Variants in KCNT2 observed in about 807,000 individuals in gnomAD.
KCNT2 encodes potassium channel subfamily T member 2.
A neutral mutation model predicts 153.8 loss-of-function variants in KCNT2; 67 were observed. That is an observed-to-expected ratio of 0.44 (90% CI 0.36 to 0.53). KCNT2 has a LOEUF of 0.53. Ranked by LOEUF, KCNT2 falls within the 20% of genes least tolerant of loss-of-function variation. The probability of loss-of-function intolerance (pLI) is 0.00; values close to 1 mark genes in which losing one functional copy is unlikely to be tolerated. For synonymous variants in KCNT2, 500 were observed against 458.8 expected, an observed-to-expected ratio of 1.09 and a Z score of -1.15; for missense variants, 975 against 1,354.8, an observed-to-expected ratio of 0.72 and a Z score of 4.40.
intron 7 of KCNT2, among the ~76,000 whole-genome samples, chr1:196,465,679 C>A (rs1677551756): frequency 6.6e-6 from 1 of 151,786 alleles, no homozygotes. Flanking sequence ...ACTTACTCCC[C>A]CAAACCCCTA....
At chr1:196,356,865 A>G (rs1667215468) in intron 14 of KCNT2, among the ~76,000 whole-genome samples, 3 of 151,874 alleles carry the variant, frequency 2.0e-5, no homozygotes, top group African/African-American at 7.2e-5. Context: ...ATTCGAAGAA[A>G]ACAATTCAAA....
intron 8 of KCNT2, among the ~76,000 whole-genome samples, chr1:196,449,873 A>G (rs1366250682): frequency 6.6e-6 from 1 of 151,728 alleles, no homozygotes; most frequent in African/African-American, 2.4e-5. Context: ...TGTTTTAAAA[A>G]GATGTATGAA....
intron 13 of KCNT2, among the ~76,000 whole-genome samples, chr1:196,388,732 A>G (rs138028033): frequency 1.3e-4 from 19 of 151,914 alleles, no homozygotes; most frequent in African/African-American, 4.1e-4. Context: ...CTGTATAAGG[A>G]AGATCATTTT....
intron 13 of KCNT2, among the ~76,000 whole-genome samples, chr1:196,380,565 C>T (rs935691130): frequency 1.3e-5 from 2 of 152,126 alleles, no homozygotes; most frequent in African/African-American, 2.4e-5. Context: ...TGCAGTAAAC[C>T]AATCTAGTGC....
At chr1:196,245,538 A>G (rs1655363460) in intron 26 of KCNT2, among the ~76,000 whole-genome samples, 1 of 152,212 alleles carries the variant, frequency 6.6e-6, no homozygotes, top group Admixed American at 6.5e-5. Context: ...TCAGCGACCA[A>G]TTATGGAAAG....
At chr1:196,297,741 G>A (rs1390731443) in intron 22 of KCNT2, among the ~76,000 whole-genome samples, 1 of 152,102 alleles carries the variant, frequency 6.6e-6, no homozygotes, top group Non-Finnish European at 1.5e-5. Context: ...GTGTTGGCAG[G>A]TAGCACCAAA....
chr1:196,395,420 A>T (rs905990130), intron 13 of KCNT2, among the ~76,000 whole-genome samples: 1 of 151,652 alleles, frequency 6.6e-6, no homozygotes, highest in Non-Finnish European at 1.5e-5. Context: ...GTACAATACA[A>T]ATTTGTTATG....
rs560640220 is a variant in KCNT2, at chr1:196,501,580, G to A, written c.96-9239C>T. ...CATACAGAATGAAAAACAAGAAATC[G>A]AAGACTTCAAAAGGTGGGCAGGTGG... On this transcript the variant is annotated intron_variant, in intron 1 of 27. Coordinates refer to ENST00000294725, the MANE Select transcript of KCNT2 (RefSeq NM_198503.5). Among the ~76,000 whole-genome samples, 14 of 152,082 alleles carry A rather than the reference G, an allele frequency of 9.2e-5. No homozygotes were observed. The South Asian group carries it at 2.7e-3, about 29-fold the overall frequency.
At chr1:196,250,545 CT>C (rs1655869692) in intron 26 of KCNT2, among the ~76,000 whole-genome samples, 1 of 152,102 alleles carries the variant, frequency 6.6e-6, no homozygotes, top group African/African-American at 2.4e-5. Flanking sequence ...ATTGGGAAAA[CT>C]CTTCAGGACA....
intron 19 of KCNT2, among the ~76,000 whole-genome samples, chr1:196,325,394 G>A (rs987694153): frequency 6.6e-6 from 1 of 151,978 alleles, no homozygotes; most frequent in Non-Finnish European, 1.5e-5. Flanking sequence ...CCACTTTCAG[G>A]GCAATGTACT....
At chr1:196,435,949 G>C (rs1158628547) in intron 8 of KCNT2, among the ~76,000 whole-genome samples, 1 of 151,504 alleles carries the variant, frequency 6.6e-6, no homozygotes, top group Non-Finnish European at 1.5e-5. Flanking sequence ...ACATCCTAAA[G>C]GTAGAATGTT....
chr1:196,482,338 C>A lies in KCNT2; in HGVS notation c.317G>T (p.Gly106Val). The change falls in exon 4 of 28, where the codon GGC becomes GTC. Residue 106 changes from glycine to valine, a missense_variant. Physicochemically the swap from Gly to Val is moderately radical, Grantham distance 109. Coordinates refer to ENST00000294725, the MANE Select transcript of KCNT2 (RefSeq NM_198503.5). ...AACAAAATTGTACATAACCTGTAAG[C>A]CCCACAAAGGTAGACTTCTGTTCAC... ...FWVNRSLPLW[G>V]LQVSVALISL... The A allele has an allele frequency of 6.3e-7, 1 of 1,575,430 alleles. No individual in the cohort carries two copies. Among genetic ancestry groups the A allele is most frequent in the Non-Finnish European group, 8.6e-7 (1 of 1,158,932 alleles).
intron 25 of KCNT2, among the ~76,000 whole-genome samples, chr1:196,266,845 A>T (rs1479927827): frequency 3.9e-5 from 6 of 152,304 alleles, no homozygotes; most frequent in Admixed American, 6.5e-5. Context: ...ATTTGTAAAT[A>T]CTTTGTAGTC....
At chr1:196,338,041 C>A (rs894179405) in intron 16 of KCNT2, among the ~76,000 whole-genome samples, 6 of 151,762 alleles carry the variant, frequency 4.0e-5, no homozygotes, top group African/African-American at 1.5e-4. Context: ...ACAATAAGTA[C>A]TTTTTGAAGA....
Position 196,336,924 on chromosome 1 carries a change from CT to C in KCNT2, c.1784-2865del, listed in dbSNP as rs369809642. On this transcript the variant is annotated intron_variant, in intron 16 of 27. Coordinates refer to ENST00000294725, the MANE Select transcript of KCNT2 (RefSeq NM_198503.5). ...CCTTTGCTGGTTTCTTCTCATCCCC[CT>C]GATACTTAATCTTAGTATACTGCAG... 1.2e-3 allele frequency among the ~76,000 whole-genome samples: 182 copies of C among 152,274 alleles called. 1 individual carries two copies. The highest frequency in any genetic ancestry group is 4.2e-3 in the African/African-American group (173 of 41,566).
In KCNT2 at chr1:196,258,445, T is replaced by C. The variant is rs748584163; in HGVS notation, c.2960A>G (p.Lys987Arg). The change falls in exon 26 of 28, where the codon AAA becomes AGA. Residue 987 changes from lysine to arginine, a missense_variant. Transcript: ENST00000294725. ...VEEWEDTKDS[K>R]EQGHHRSNHR... ...GTTGCTGCGGTGGTGCCCTTGTTCT[T>C]TGGAGTCTTTGGTGTCTTCCCACTC... 13 of 1,613,650 alleles carry C rather than the reference T, an allele frequency of 8.1e-6. No individual in the cohort carries two copies. The highest frequency in any genetic ancestry group is 2.7e-5 in the African/African-American group (2 of 74,922).
At chr1:196,449,397 G>A (rs9659527) in intron 8 of KCNT2, among the ~76,000 whole-genome samples, 66,841 of 151,328 alleles carry the variant, frequency 0.44, 15,286 homozygotes, top group African/African-American at 0.57. Context: ...GACAGGCTCT[G>A]TAAAAAGAAT....
At chr1:196,560,436 TA>T (rs1200848999) in intron 1 of KCNT2, among the ~76,000 whole-genome samples, 4 of 151,976 alleles carry the variant, frequency 2.6e-5, no homozygotes, top group African/African-American at 9.7e-5. Context: ...ATTTACTTTT[TA>T]AAAATTAGAA....
chr1:196,456,436 T>C (rs2148636522), intron 8 of KCNT2, among the ~76,000 whole-genome samples: 1 of 152,156 alleles, frequency 6.6e-6, no homozygotes, highest in African/African-American at 2.4e-5. Context: ...CTCCATTCTG[T>C]CCTTTGTGCT....
Sources: gnomAD v4.1 joint callset for allele counts (sites outside exome capture counted in the v4.1 genomes callset) on GRCh38, gnomAD v4.1.1 for gene constraint, MANE v1.5 for transcripts, NCBI Gene and HGNC (gene_info 2026-07-23, HGNC 2026-07-21) for gene names.